Variants in CACNA2D1 observed in about 807,000 individuals in gnomAD.
CACNA2D1 encodes voltage-dependent calcium channel subunit alpha-2/delta-1.
CACNA2D1 carries 53 observed loss-of-function variants against 171.5 expected under a neutral mutation model. The ratio of observed to expected loss-of-function variants is 0.31; its 90% CI spans 0.25 to 0.39. The LOEUF (loss-of-function observed/expected upper bound fraction) is 0.39. Ranked by LOEUF, CACNA2D1 falls within the 10% of genes least tolerant of loss-of-function variation. The pLI is 1.00. For missense variants in CACNA2D1, 903 were observed against 1,299.8 expected (o/e 0.69, Z 4.69); for synonymous variants, 442 against 443.1 (o/e 1.00, Z 0.03).
intron 10 of CACNA2D1, among the ~76,000 whole-genome samples, chr7:82,058,909 G>A (rs1806267028): frequency 6.6e-6 from 1 of 152,050 alleles, no homozygotes; most frequent in African/African-American, 2.4e-5. Context: ...TTGCCTTATA[G>A]GTATCGTGTT....
intron 6 of CACNA2D1, among the ~76,000 whole-genome samples, chr7:82,103,597 TTTA>T (rs1365362029): frequency 2.6e-5 from 4 of 152,164 alleles, no homozygotes; most frequent in African/African-American, 7.2e-5. Flanking sequence ...ATGTTAATTT[TTTA>T]TTATTTGTAC....
At chr7:82,422,637 G>A (rs1009410949) in intron 1 of CACNA2D1, among the ~76,000 whole-genome samples, 1 of 152,096 alleles carries the variant, frequency 6.6e-6, no homozygotes, top group African/African-American at 2.4e-5. Context: ...TATCTCAACA[G>A]TCTGGAAAAA....
chr7:82,231,642 ATT>A (rs1033359984), intron 3 of CACNA2D1, among the ~76,000 whole-genome samples: 5 of 152,116 alleles, frequency 3.3e-5, no homozygotes. Flanking sequence ...ACTAGATCAG[ATT>A]TTTTTAAAAA....
At chr7:82,387,540 T>C (rs1824547241) in intron 1 of CACNA2D1, among the ~76,000 whole-genome samples, 1 of 152,162 alleles carries the variant, frequency 6.6e-6, no homozygotes, top group Non-Finnish European at 1.5e-5. Context: ...GTGCCAAGGG[T>C]GATAAATTTT....
rs747365020 is a variant in CACNA2D1, at chr7:81,949,679, T to C, written c.*713A>G. ...TTGCTTACATTTATGAGGAAATATG[T>C]CACATATTCTAATTTCTCCCTCAAG... On this transcript the variant is annotated 3_prime_UTR_variant, in exon 39 of 39. Transcript: ENST00000356860. 6 of 152,266 alleles carry C rather than the reference T, an allele frequency of 3.9e-5. No homozygotes were observed. The highest frequency in any genetic ancestry group is 1.4e-4 in the African/African-American group (6 of 41,446). 9.4% of individuals were successfully genotyped at this position (152,266 alleles called of 1,614,324 possible).
chr7:82,033,101 A>G (rs562643950), intron 11 of CACNA2D1, 200 bp from the exon 12 acceptor site: 93 of 499,232 alleles, frequency 1.9e-4, no homozygotes, highest in Non-Finnish European at 2.4e-4. Context: ...CCAGATAACC[A>G]TAAGTCTATC....
rs1299508640 is a variant in CACNA2D1, at chr7:81,997,165, C to A, written c.1662+14G>T. On this transcript the variant is annotated intron_variant, in intron 19 of 38. Coordinates refer to ENST00000356860, the MANE Select transcript of CACNA2D1 (RefSeq NM_000722.4). ...TGACCTGAGGAATTGTTTAGTCTTA[C>A]TGATTCCACTCACCTCCACTTTAAT... 6.7e-7 allele frequency: 1 copy of A among 1,493,886 alleles called. No individual in the cohort carries two copies. Among genetic ancestry groups the A allele is most frequent in the South Asian group, 1.1e-5 (1 of 88,750 alleles). 92.5% of individuals were successfully genotyped at this position (1,493,886 alleles called of 1,614,324 possible).
At chr7:82,355,633 T>G (rs1820333751) in intron 1 of CACNA2D1, among the ~76,000 whole-genome samples, 1 of 152,088 alleles carries the variant, frequency 6.6e-6, no homozygotes, top group Admixed American at 6.6e-5. Flanking sequence ...TCCACTGCCC[T>G]CTTGAGACCC....
chr7:82,166,122 T>C (rs1170179689), intron 4 of CACNA2D1, among the ~76,000 whole-genome samples: 2 of 152,020 alleles, frequency 1.3e-5, no homozygotes, highest in Non-Finnish European at 2.9e-5. Flanking sequence ...AATGATTAAA[T>C]ACATAATGCC....
At chr7:82,275,666 C>G (rs888060531) in intron 3 of CACNA2D1, among the ~76,000 whole-genome samples, 4 of 152,106 alleles carry the variant, frequency 2.6e-5, no homozygotes, top group Non-Finnish European at 4.4e-5. Context: ...AACACTTCAT[C>G]CTGCCAAGCT....
At chr7:82,111,442 A>ATTTT (rs1228823349) in intron 6 of CACNA2D1, among the ~76,000 whole-genome samples, 55 of 98,836 alleles carry the variant, frequency 5.6e-4, no homozygotes, top group African/African-American at 2.0e-3. Flanking sequence ...ATATATATAT[A>ATTTT]TATTTTTTTT....
At position 82,058,855 on chromosome 7, in the gene CACNA2D1, C is replaced by G. The variant is rs150213745; in HGVS notation, c.879+1573G>C. Among the ~76,000 whole-genome samples the G allele has an allele frequency of 5.7e-4, 86 of 152,188 alleles. No homozygotes were observed. In the East Asian group the frequency reaches 0.01, roughly 18 times the overall value. On this transcript the variant is annotated intron_variant, in intron 10 of 38. Transcript: ENST00000356860. ...AATTATAAAATACTTACAGTTTATT[C>G]CCCAGAGAATTATATCACCTGTGAG... is the stretch of plus-strand genomic sequence containing the variant.
At chr7:82,032,731 C>G (rs1395729008) in intron 12 of CACNA2D1, 66 bp downstream of exon 12, 1 of 836,640 alleles carries the variant, frequency 1.2e-6, no homozygotes, top group Non-Finnish European at 1.9e-6. Context: ...ACTACCACTA[C>G]CCACTATCTC....
chr7:82,435,448 G>A (rs962915047), intron 1 of CACNA2D1, among the ~76,000 whole-genome samples: 1 of 152,094 alleles, frequency 6.6e-6, no homozygotes, highest in Non-Finnish European at 1.5e-5. Flanking sequence ...TTCCTCCTGT[G>A]TTCTCTAGCC....
intron 3 of CACNA2D1, among the ~76,000 whole-genome samples, chr7:82,212,946 G>T (rs544559021): frequency 2.0e-5 from 3 of 151,918 alleles, no homozygotes; most frequent in African/African-American, 7.2e-5. Flanking sequence ...TGTCACCCAG[G>T]CTGGAGTGCA....
chr7:82,172,149 A>G (rs959385768), intron 3 of CACNA2D1, among the ~76,000 whole-genome samples: 2 of 152,056 alleles, frequency 1.3e-5, no homozygotes, highest in Admixed American at 6.6e-5. Context: ...ACTACTAGGT[A>G]GAAATGGAGT....
chr7:82,096,739 A>G (rs1015856484), intron 6 of CACNA2D1, among the ~76,000 whole-genome samples: 9 of 151,488 alleles, frequency 5.9e-5, no homozygotes, highest in African/African-American at 2.2e-4. Context: ...GTATTGTGAC[A>G]GATTACAGTT....
In CACNA2D1 at chr7:82,087,612, A is replaced by G. The variant is rs577745807; in HGVS notation, c.527-2712T>C. Reference sequence around the variant, plus strand: ...AATATATAAAGCATCAAAGCCAACAAGGAAGAATGAATACTATTTTAGACC... The same window carrying G: ...AATATATAAAGCATCAAAGCCAACAGGGAAGAATGAATACTATTTTAGACC... On this transcript the variant is annotated intron_variant, in intron 6 of 38. Transcript: ENST00000356860. 3.3e-5 allele frequency among the ~76,000 whole-genome samples: 5 copies of G among 152,080 alleles called. No individual in the cohort carries two copies. The South Asian group carries it at 1.0e-3, about 32-fold the overall frequency.
intron 3 of CACNA2D1, among the ~76,000 whole-genome samples, chr7:82,309,421 G>A (rs1194594277): frequency 3.3e-5 from 5 of 151,658 alleles, no homozygotes; most frequent in Non-Finnish European, 7.4e-5. Flanking sequence ...AAAAAAAATT[G>A]TTGATAAAAT....
Sources: allele counts gnomAD v4.1 joint callset (sites outside exome capture counted in the v4.1 genomes callset), GRCh38; gene constraint gnomAD v4.1.1; transcripts MANE v1.5; gene names NCBI Gene and HGNC (gene_info 2026-07-23, HGNC 2026-07-21).